Variants in SLC2A13 observed in about 807,000 individuals in gnomAD.
The protein encoded by SLC2A13 is solute carrier family 2 member 13.
In SLC2A13, 32 loss-of-function variants were observed where a neutral mutation model predicts 64.4. The ratio of observed to expected loss-of-function variants is 0.50; its 90% CI spans 0.37 to 0.67. SLC2A13 has a LOEUF of 0.67. SLC2A13 is among the 30% of genes least tolerant of loss of function. The pLI, the probability that SLC2A13 is intolerant of heterozygous loss-of-function variation, is 0.00. For missense variants in SLC2A13, 743 were observed against 829.2 expected, an observed-to-expected ratio of 0.90 and a Z score of 1.28; for synonymous variants, 338 against 327.1, an observed-to-expected ratio of 1.03 and a Z score of -0.36.
At chr12:40,038,730 C>CA (rs34951191) in intron 2 of SLC2A13, among the ~76,000 whole-genome samples, 54,151 of 106,932 alleles carry the variant, frequency 0.51, 11,655 homozygotes, top group Middle Eastern at 0.59. Context: ...GACCCTGTCT[C>CA]AAAAAAAAAA....
intron 3 of SLC2A13, among the ~76,000 whole-genome samples, chr12:39,967,610 T>C (rs1946544182): frequency 6.6e-6 from 1 of 152,212 alleles, no homozygotes; most frequent in South Asian, 2.1e-4. Context: ...TTATTCCCAT[T>C]CATTATTCAT....
chr12:39,820,847 C>T (rs910968728), intron 7 of SLC2A13, among the ~76,000 whole-genome samples: 8 of 145,096 alleles, frequency 5.5e-5, no homozygotes, highest in African/African-American at 2.0e-4. Context: ...AAATGCCTTG[C>T]CCTTTGTTTG....
intron 7 of SLC2A13, among the ~76,000 whole-genome samples, chr12:39,773,400 C>G (rs1940657279): frequency 6.6e-6 from 1 of 152,160 alleles, no homozygotes; most frequent in African/African-American, 2.4e-5. Flanking sequence ...ATGGAATACA[C>G]AGAACTCCCT....
At chr12:39,947,210 G>T (rs1211085427) in intron 4 of SLC2A13, among the ~76,000 whole-genome samples, 1 of 152,186 alleles carries the variant, frequency 6.6e-6, no homozygotes, top group East Asian at 1.9e-4. Context: ...AAATGCCCCA[G>T]AGAAGATTCC....
intron 2 of SLC2A13, among the ~76,000 whole-genome samples, chr12:40,032,708 T>C (rs376920015): frequency 1.6e-4 from 24 of 152,188 alleles, no homozygotes; most frequent in Admixed American, 6.5e-4. Flanking sequence ...CCAAACAGGT[T>C]CTTCACTGAA....
At chr12:39,845,962 T>A (rs1344224891) in intron 6 of SLC2A13, among the ~76,000 whole-genome samples, 1 of 152,150 alleles carries the variant, frequency 6.6e-6, no homozygotes, top group Non-Finnish European at 1.5e-5. Flanking sequence ...TTTTCTCATA[T>A]GATTGTACAG....
At chr12:39,902,321 C>T (rs1185770950) in intron 4 of SLC2A13, among the ~76,000 whole-genome samples, 1 of 150,230 alleles carries the variant, frequency 6.7e-6, no homozygotes, top group Non-Finnish European at 1.5e-5. Flanking sequence ...GCAAATGTAC[C>T]CTAAAAATTA....
Position 40,105,748 on chromosome 12 carries a change from C to A in SLC2A13, c.61G>T (p.Gly21Cys), listed in dbSNP as rs1300980302. ...YTLRSLSSLM[G>C]ERRRKQPEPD... Reference sequence around the variant, plus strand: ...TCCGGCTGCTTCCTGCGCCGCTCGCCCATCAGGCTGCTCAGGCTCCGCAGC... The same window carrying A: ...TCCGGCTGCTTCCTGCGCCGCTCGCACATCAGGCTGCTCAGGCTCCGCAGC... The change falls in exon 1 of 10, where the codon GGC becomes TGC. Residue 21 changes from glycine (G) to cysteine (C), a missense_variant. By Grantham distance (159) the Gly-to-Cys change is radical. Coordinates refer to ENST00000280871, the MANE Select transcript of SLC2A13 (RefSeq NM_052885.4). This position sits in a 1 kb window ranked among gnomAD's most constrained non-coding sequence, Gnocchi z 4.2. 2 of 1,490,248 alleles carry A rather than the reference C, an allele frequency of 1.3e-6. No homozygotes were observed. The highest frequency in any genetic ancestry group is 1.8e-6 in the Non-Finnish European group (2 of 1,120,664). 92.3% of individuals were successfully genotyped at this position (1,490,248 alleles called of 1,614,324 possible).
chr12:39,813,747 G>C (rs1472275862), intron 7 of SLC2A13, among the ~76,000 whole-genome samples: 2 of 152,154 alleles, frequency 1.3e-5, no homozygotes, highest in African/African-American at 4.8e-5. Context: ...CACGGCTGCA[G>C]CCACTACCAT....
intron 3 of SLC2A13, among the ~76,000 whole-genome samples, chr12:39,992,644 C>T (rs766087775): frequency 2.0e-5 from 3 of 151,698 alleles, no homozygotes; most frequent in Non-Finnish European, 4.4e-5. Flanking sequence ...TTCTTATAAC[C>T]CAAAAAGCTC....
At chr12:39,804,015 C>G (rs953695560) in intron 7 of SLC2A13, among the ~76,000 whole-genome samples, 1 of 151,820 alleles carries the variant, frequency 6.6e-6, no homozygotes, top group Non-Finnish European at 1.5e-5. Flanking sequence ...GAAGAAATGT[C>G]TGAATTCATT....
At chr12:39,764,974 G>T in intron 7 of SLC2A13, 116 bp from the exon 8 acceptor site, 1 of 1,203,458 alleles carries the variant, frequency 8.3e-7, no homozygotes, top group Non-Finnish European at 1.1e-6. Context: ...AGTCCAAAAT[G>T]TTTTTCTTAA....
At chr12:39,844,343 A>G (rs916872126) in intron 6 of SLC2A13, among the ~76,000 whole-genome samples, 5 of 152,076 alleles carry the variant, frequency 3.3e-5, no homozygotes, top group Non-Finnish European at 7.4e-5. Flanking sequence ...AGTTTAATGT[A>G]AGCACTGCAC....
Position 39,847,363 on chromosome 12 carries a change from C to T in SLC2A13, c.1320-17135G>A, listed in dbSNP as rs78067789. 7.4e-4 allele frequency among the ~76,000 whole-genome samples: 113 copies of T among 152,192 alleles called. 1 individual carries two copies. Among genetic ancestry groups the T allele is most frequent in the African/African-American group, 2.5e-3 (102 of 41,522 alleles). On this transcript the variant is annotated intron_variant, in intron 6 of 9. Transcript: ENST00000280871. The stretch of plus-strand genomic sequence containing the variant: ...CATTGTGGCTCCACCTCCCTCCTCC[C>T]GACTGCTAGACAAAAGAATACATTT...
intron 1 of SLC2A13, among the ~76,000 whole-genome samples, chr12:40,064,264 T>C (rs1431233283): frequency 6.6e-6 from 1 of 151,984 alleles, no homozygotes; most frequent in Non-Finnish European, 1.5e-5. Context: ...ATATATATTA[T>C]ATTATGTGTA....
In SLC2A13 at chr12:40,023,448, G is replaced by A. The variant is rs531300281; in HGVS notation, c.925+4853C>T. Among the ~76,000 whole-genome samples, 18 of 152,288 alleles carry A rather than the reference G, an allele frequency of 1.2e-4. No individual in the cohort carries two copies. In the South Asian group the frequency reaches 2.1e-3, roughly 18 times the overall value. On this transcript the variant is annotated intron_variant, in intron 3 of 9. Transcript: ENST00000280871. ...ATCTCCTCTCAGGGTACACTTGTTC[G>A]CTGGTACAGGATAAGAAACTAAAGA...
chr12:39,824,202 G>T (rs974868530), intron 7 of SLC2A13, among the ~76,000 whole-genome samples: 1 of 152,160 alleles, frequency 6.6e-6, no homozygotes, highest in Non-Finnish European at 1.5e-5. Flanking sequence ...AACTATACAG[G>T]TATCATTCAT....
chr12:39,897,511 G>A (rs1019790816), intron 4 of SLC2A13, among the ~76,000 whole-genome samples: 20 of 152,150 alleles, frequency 1.3e-4, no homozygotes, highest in African/African-American at 4.6e-4. Flanking sequence ...TAATTCAAAG[G>A]TTAGGCACCA....
intron 3 of SLC2A13, among the ~76,000 whole-genome samples, chr12:39,988,803 TTATCATA>T (rs762649911): frequency 4.6e-4 from 70 of 152,138 alleles, no homozygotes; most frequent in Non-Finnish European, 8.2e-4. Flanking sequence ...CTTAAGATTT[TTATCATA>T]TATAAGTCAA....
Sources: gnomAD v4.1 joint callset for allele counts (sites outside exome capture counted in the v4.1 genomes callset) on GRCh38, gnomAD v4.1.1 for gene constraint, Gnocchi (gnomAD v3.1) non-coding constraint, MANE v1.5 for transcripts, NCBI Gene and HGNC (gene_info 2026-07-23, HGNC 2026-07-21) for gene names.